Variants in KCTD20 observed in about 807,000 individuals in gnomAD.
KCTD20 encodes potassium channel tetramerization domain containing 20.
A neutral mutation model predicts 39.6 loss-of-function variants in KCTD20; 30 were observed. That is an observed-to-expected ratio of 0.76 (90% CI 0.57 to 1.03). The LOEUF (loss-of-function observed/expected upper bound fraction) is 1.03. Among genes scored for constraint, KCTD20 ranks in the 50% least tolerant of loss-of-function variants. The pLI is 0.00. For synonymous variants in KCTD20, 162 were observed against 180.6 expected (o/e 0.90, Z 0.83); for missense variants, 422 against 522.0 (o/e 0.81, Z 1.87).
At chr6:36,467,318 ATTTTTTTTTTTTTTTTTTTTTTTTT>A (rs775332647) in intron 1 of KCTD20, among the ~76,000 whole-genome samples, 3 of 29,906 alleles carry the variant, frequency 1.0e-4, no homozygotes, top group Admixed American at 1.2e-3. Context: ...ATCCTTCAGG[ATTTTTTTTTTTTTTTTTTTTTTTTT>A]TTTTTTTTTT....
chr6:36,479,290 T>G, intron 4 of KCTD20, 67 bp downstream of exon 4: 1 of 1,109,454 alleles, frequency 9.0e-7, no homozygotes, highest in South Asian at 1.4e-5. Flanking sequence ...GCCTTGAGAG[T>G]TCCATCAACT....
chr6:36,458,541 C>CAAAAAAAA (rs1174858102), intron 1 of KCTD20, among the ~76,000 whole-genome samples: 3 of 66,866 alleles, frequency 4.5e-5, no homozygotes, highest in African/African-American at 1.0e-4. Context: ...AACTCCATCT[C>CAAAAAAAA]AAAAAAAAAA....
chr6:36,479,702 C>T lies in KCTD20; in HGVS notation c.649C>T (p.Gln217Ter). The change falls in exon 5 of 8, where the codon CAA becomes TAA. Residue 217 changes from glutamine to a stop codon, truncating the protein, a stop_gained. Transcript: ENST00000373731. LOFTEE classifies it high-confidence loss of function. ...INFDFNTIRC[Q>*]DLSALLHELS... ...TTTTGACTTCAACACTATCCGATGT[C>T]AAGATCTGAGTAAGTACAGGAGCAG... 1 of 1,566,488 alleles carries T rather than the reference C, an allele frequency of 6.4e-7. No homozygotes were observed. The highest frequency in any genetic ancestry group is 8.7e-7 in the Non-Finnish European group (1 of 1,151,864).
intron 3 of KCTD20, among the ~76,000 whole-genome samples, chr6:36,476,523 G>A (rs1048655293): frequency 2.0e-5 from 3 of 151,398 alleles, no homozygotes; most frequent in Non-Finnish European, 4.4e-5. Flanking sequence ...TCCACCTCCC[G>A]GGTTCAAGCA....
At chr6:36,462,208 C>T (rs1775621335) in intron 1 of KCTD20, among the ~76,000 whole-genome samples, 1 of 152,098 alleles carries the variant, frequency 6.6e-6, no homozygotes, top group Non-Finnish European at 1.5e-5. Flanking sequence ...CCTTCGTAGT[C>T]TGTTACATAT....
At chr6:36,480,847 C>T (rs1032651755) in intron 5 of KCTD20, among the ~76,000 whole-genome samples, 17 of 152,190 alleles carry the variant, frequency 1.1e-4, no homozygotes, top group African/African-American at 3.4e-4. Context: ...CCACTGCACC[C>T]GGCCTATTAT....
At chr6:36,474,516 G>C (rs1301049690) in intron 2 of KCTD20, among the ~76,000 whole-genome samples, 2 of 151,960 alleles carry the variant, frequency 1.3e-5, no homozygotes, top group Non-Finnish European at 2.9e-5. Flanking sequence ...GTTTACTTTA[G>C]AAAATTTAAA....
chr6:36,459,251 T>C (rs1355123975), intron 1 of KCTD20, among the ~76,000 whole-genome samples: 1 of 151,948 alleles, frequency 6.6e-6, no homozygotes, highest in Non-Finnish European at 1.5e-5. Flanking sequence ...GCAGAGGTTG[T>C]AGTGAGCTGA....
chr6:36,481,555 T>G lies in KCTD20; in HGVS notation c.659-7T>G. 6.2e-7 allele frequency: 1 copy of G among 1,608,554 alleles called. No homozygotes were observed. Among genetic ancestry groups the G allele is most frequent in the Non-Finnish European group, 8.5e-7 (1 of 1,174,906 alleles). On this transcript the variant is annotated splice_polypyrimidine_tract_variant and splice_region_variant and intron_variant, in intron 5 of 7. Transcript: ENST00000373731. Reference sequence around the variant, plus strand: ...AAAGCATGTTCACCTACATTTTCTCTCTGCAGGTGCTTTACTCCATGAACT... The same window carrying G: ...AAAGCATGTTCACCTACATTTTCTCGCTGCAGGTGCTTTACTCCATGAACT...
chr6:36,481,858 CTG>C, intron 6 of KCTD20, 99 bp downstream of exon 6: 1 of 983,368 alleles, frequency 1.0e-6, no homozygotes, highest in Non-Finnish European at 1.6e-6. Context: ...AATGTTGAGC[CTG>C]TGATGAGCAC....
At chr6:36,466,099 G>A (rs1329224206) in intron 1 of KCTD20, among the ~76,000 whole-genome samples, 1 of 149,970 alleles carries the variant, frequency 6.7e-6, no homozygotes, top group African/African-American at 2.5e-5. Context: ...TTGAGATGGA[G>A]TCTCTCTCTG....
At chr6:36,447,485 C>T (rs999991588) in intron 1 of KCTD20, among the ~76,000 whole-genome samples, 1 of 151,996 alleles carries the variant, frequency 6.6e-6, no homozygotes, top group East Asian at 1.9e-4. Context: ...AGAAAATTAG[C>T]TGGGCATGTT....
At chr6:36,472,984 T>C (rs1205110571) in intron 2 of KCTD20, among the ~76,000 whole-genome samples, 1 of 151,954 alleles carries the variant, frequency 6.6e-6, no homozygotes, top group Non-Finnish European at 1.5e-5. Flanking sequence ...TGCTGCAACC[T>C]CCACCTCCCA....
At chr6:36,486,783 G>A in intron 7 of KCTD20, 100 bp from the exon 8 acceptor site, 3 of 955,150 alleles carry the variant, frequency 3.1e-6, no homozygotes, top group Non-Finnish European at 4.8e-6. Flanking sequence ...TTTCCATGCT[G>A]TGATTTTGGG....
At chr6:36,461,760 G>A (rs1775609363) in intron 1 of KCTD20, among the ~76,000 whole-genome samples, 1 of 152,170 alleles carries the variant, frequency 6.6e-6, no homozygotes, top group Admixed American at 6.5e-5. Flanking sequence ...AGGGTAGTAA[G>A]TTAGGAGTGT....
chr6:36,466,486 A>C (rs1184929601), intron 1 of KCTD20, among the ~76,000 whole-genome samples: 2 of 149,544 alleles, frequency 1.3e-5, no homozygotes, highest in African/African-American at 2.5e-5. Context: ...GGCTTAAATC[A>C]TCCTCCCGCC....
intron 1 of KCTD20, among the ~76,000 whole-genome samples, chr6:36,449,000 C>T (rs1453722488): frequency 2.0e-5 from 3 of 150,262 alleles, no homozygotes; most frequent in African/African-American, 7.3e-5. Context: ...AGGAGTGAAG[C>T]TGCAGACCTT....
At chr6:36,472,964 A>G (rs1775954605) in intron 2 of KCTD20, among the ~76,000 whole-genome samples, 1 of 151,466 alleles carries the variant, frequency 6.6e-6, no homozygotes, top group African/African-American at 2.4e-5. Context: ...GCAGTGGTAC[A>G]ATCTTGGCTT....
chr6:36,457,697 G>C (rs983502796), intron 1 of KCTD20, among the ~76,000 whole-genome samples: 1 of 152,292 alleles, frequency 6.6e-6, no homozygotes, highest in Admixed American at 6.5e-5. Flanking sequence ...AAGAAGTCTG[G>C]AAACAGTGTT....
Sources: gnomAD v4.1 joint callset for allele counts (sites outside exome capture counted in the v4.1 genomes callset) on GRCh38, gnomAD v4.1.1 for gene constraint, MANE v1.5 for transcripts, NCBI Gene and HGNC (gene_info 2026-07-23, HGNC 2026-07-21) for gene names.